RALGAPA2: variants seen among roughly 807,000 people sequenced by gnomAD.
RALGAPA2 encodes the protein ral GTPase-activating protein subunit alpha-2.
RALGAPA2 carries 139 observed loss-of-function variants against 230.4 expected under a neutral mutation model. The observed-to-expected ratio is 0.60, with a 90% confidence interval of 0.53 to 0.69. The LOEUF is 0.69. RALGAPA2 is among the 30% of genes least tolerant of loss of function. RALGAPA2 has a pLI of 0.00. For missense variants in RALGAPA2, 2,163 were observed against 2,276.0 expected, an observed-to-expected ratio of 0.95 and a Z score of 1.01; for synonymous variants, 847 against 837.8, an observed-to-expected ratio of 1.01 and a Z score of -0.19.
intron 23 of RALGAPA2, among the ~76,000 whole-genome samples, chr20:20,567,938 G>C (rs1231407717): frequency 1.3e-5 from 2 of 151,452 alleles, no homozygotes; most frequent in African/African-American, 4.9e-5. Flanking sequence ...GGTATTTATT[G>C]AATTGAATTG....
At chr20:20,703,800 G>A (rs776993331) in intron 1 of RALGAPA2, among the ~76,000 whole-genome samples, 1 of 152,150 alleles carries the variant, frequency 6.6e-6, no homozygotes, top group Non-Finnish European at 1.5e-5. Flanking sequence ...GACTATGGAC[G>A]ACATGGCGGG....
intron 3 of RALGAPA2, among the ~76,000 whole-genome samples, chr20:20,657,509 C>T (rs942986469): frequency 3.9e-5 from 6 of 152,196 alleles, no homozygotes; most frequent in Non-Finnish European, 7.3e-5. Flanking sequence ...ATTCTCATCA[C>T]ATTGGAAAGC....
intron 12 of RALGAPA2, among the ~76,000 whole-genome samples, chr20:20,617,911 C>T (rs968856905): frequency 5.9e-5 from 9 of 151,976 alleles, no homozygotes; most frequent in Non-Finnish European, 1.0e-4. Context: ...AACTGTAGCA[C>T]TATATATAAT....
intron 11 of RALGAPA2, 36 bp downstream of exon 11, chr20:20,620,427 T>C: frequency 1.3e-6 from 2 of 1,599,550 alleles, no homozygotes; most frequent in Non-Finnish European, 1.7e-6. Flanking sequence ...TAAAATATAT[T>C]TACCCTCAAC....
At chr20:20,645,436 T>A in intron 4 of RALGAPA2, among the ~76,000 whole-genome samples, 1 of 152,012 alleles carries the variant, frequency 6.6e-6, no homozygotes, top group Non-Finnish European at 1.5e-5. Context: ...TTTTAAGTAT[T>A]TGGACTACCT....
At chr20:20,417,857 A>C (rs531549323) in intron 37 of RALGAPA2, among the ~76,000 whole-genome samples, 11 of 152,370 alleles carry the variant, frequency 7.2e-5, no homozygotes, top group African/African-American at 2.6e-4. Context: ...GGCAATAGCA[A>C]CTTGTAAGGA....
chr20:20,554,332 T>C (rs2064017461), intron 23 of RALGAPA2, among the ~76,000 whole-genome samples: 2 of 152,370 alleles, frequency 1.3e-5, no homozygotes, highest in South Asian at 4.1e-4. Flanking sequence ...AATACTTTAT[T>C]CCTTCTTAGT....
chr20:20,442,312 A>C (rs1214918632), intron 37 of RALGAPA2, among the ~76,000 whole-genome samples: 3 of 152,204 alleles, frequency 2.0e-5, no homozygotes, highest in Non-Finnish European at 4.4e-5. Context: ...TGGCCAAGAG[A>C]TACTTGGTGG....
In RALGAPA2 at chr20:20,546,862, C is replaced by T. The variant is rs1077851; in HGVS notation, c.3157-30G>A. ...AAGGGAAGATAAGAAAAAACACAATCGTAATGTTCAAACACAAAATTCCAA... is the reference window on the plus strand; with the variant it reads ...AAGGGAAGATAAGAAAAAACACAATTGTAATGTTCAAACACAAAATTCCAA... On this transcript the variant is annotated intron_variant, in intron 23 of 39. Coordinates refer to ENST00000202677, the MANE Select transcript of RALGAPA2 (RefSeq NM_020343.4). The T allele has an allele frequency of 1.3e-3, 1,987 of 1,547,820 alleles. 2 individuals are homozygous for T. The highest frequency in any genetic ancestry group is 1.8e-3 in the South Asian group (143 of 79,112).
intron 3 of RALGAPA2, among the ~76,000 whole-genome samples, chr20:20,667,088 G>C (rs2067979122): frequency 6.6e-6 from 1 of 152,136 alleles, no homozygotes; most frequent in Non-Finnish European, 1.5e-5. Context: ...AATGCATTTG[G>C]ATGGGAAATA....
At chr20:20,685,294 A>C (rs2068660544) in intron 1 of RALGAPA2, among the ~76,000 whole-genome samples, 1 of 152,258 alleles carries the variant, frequency 6.6e-6, no homozygotes, top group Admixed American at 6.5e-5. Context: ...ACAGGTAAAC[A>C]AACAAGTAAC....
chr20:20,639,093 A>G (rs2066949180), intron 7 of RALGAPA2, among the ~76,000 whole-genome samples: 1 of 152,196 alleles, frequency 6.6e-6, no homozygotes, highest in Non-Finnish European at 1.5e-5. Context: ...TTGCCACTTT[A>G]GCAGTGACAG....
chr20:20,454,245 G>A (rs996284668), intron 37 of RALGAPA2, among the ~76,000 whole-genome samples: 3 of 152,194 alleles, frequency 2.0e-5, no homozygotes, highest in Non-Finnish European at 2.9e-5. Flanking sequence ...CACAGAGCTC[G>A]AAACAAAGAT....
Position 20,391,196 on chromosome 20 carries a change from G to T in RALGAPA2, c.*2093C>A, listed in dbSNP as rs2059597313. 3 of 152,302 alleles carry T rather than the reference G, an allele frequency of 2.0e-5. No homozygotes were observed. The South Asian group carries it at 6.2e-4, about 32-fold the overall frequency. The allele number at this position is 152,302 out of a possible 1,614,324, so 9.4% of individuals were successfully genotyped here. On this transcript the variant is annotated 3_prime_UTR_variant, in exon 40 of 40. Coordinates refer to ENST00000202677, the MANE Select transcript of RALGAPA2 (RefSeq NM_020343.4). ...CGATGGCCTTCCCAACAGGAGTGAG[G>T]TAAACAGGAGACAGGAGCAGCTCAA... is the stretch of plus-strand genomic sequence containing the variant.
chr20:20,619,956 G>A (rs1299513816), intron 11 of RALGAPA2, among the ~76,000 whole-genome samples: 3 of 152,218 alleles, frequency 2.0e-5, no homozygotes, highest in Non-Finnish European at 2.9e-5. Context: ...AACATGGACA[G>A]TGGCCCCTCC....
intron 23 of RALGAPA2, among the ~76,000 whole-genome samples, chr20:20,554,903 TTGAA>T (rs2064037514): frequency 6.6e-6 from 1 of 152,362 alleles, no homozygotes; most frequent in East Asian, 1.9e-4. Flanking sequence ...ATAGCATCTT[TTGAA>T]GCACAAAAGA....
intron 14 of RALGAPA2, 51 bp downstream of exon 14, chr20:20,611,263 CA>C: frequency 1.3e-6 from 2 of 1,536,380 alleles, no homozygotes; most frequent in Non-Finnish European, 1.8e-6. Flanking sequence ...TAGTTTGCTA[CA>C]AAATCTGATT....
intron 9 of RALGAPA2, 104 bp downstream of exon 9, chr20:20,635,314 C>A: frequency 7.9e-7 from 1 of 1,259,018 alleles, no homozygotes; most frequent in Non-Finnish European, 1.1e-6. Context: ...CTATAACCAA[C>A]AACTTGTAAG....
chr20:20,435,530 T>C (rs1257816783), intron 37 of RALGAPA2, among the ~76,000 whole-genome samples: 1 of 152,192 alleles, frequency 6.6e-6, no homozygotes, highest in African/African-American at 2.4e-5. Flanking sequence ...GGAATCATAT[T>C]ATATCTGAAG....
Sources: allele counts gnomAD v4.1 joint callset (sites outside exome capture counted in the v4.1 genomes callset), GRCh38; gene constraint gnomAD v4.1.1; transcripts MANE v1.5; gene names NCBI Gene and HGNC (gene_info 2026-07-23, HGNC 2026-07-21).